CD44: variants seen among roughly 807,000 people sequenced by gnomAD.
The protein encoded by CD44 is CD44 antigen.
CD44 carries 49 observed loss-of-function variants against 88.8 expected under a neutral mutation model. The observed-to-expected ratio is 0.55, with a 90% CI of 0.44 to 0.70. CD44 has a LOEUF of 0.70. CD44 is among the 30% of genes least tolerant of loss of function. CD44 has a pLI of 0.00. For missense variants in CD44, 883 were observed against 913.8 expected, an observed-to-expected ratio of 0.97 and a Z score of 0.43; for synonymous variants, 325 against 312.3, an observed-to-expected ratio of 1.04 and a Z score of -0.43.
intron 1 of CD44, among the ~76,000 whole-genome samples, chr11:35,148,421 G>C (rs1055993392): frequency 4.6e-5 from 7 of 152,176 alleles, no homozygotes; most frequent in African/African-American, 1.7e-4. Flanking sequence ...TAAAAGTTCG[G>C]GGAAGAAATC....
At chr11:35,216,832 T>C (rs761732093) in intron 15 of CD44, among the ~76,000 whole-genome samples, 9 of 152,216 alleles carry the variant, frequency 5.9e-5, no homozygotes, top group Non-Finnish European at 1.2e-4. Context: ...TGCAGAATCC[T>C]TGGCCAACCC....
chr11:35,222,428 C>T, intron 17 of CD44: 1 of 1,295,344 alleles, frequency 7.7e-7, no homozygotes, highest in Non-Finnish European at 1.0e-6. Context: ...CGTCTTCTTG[C>T]TGTTAGGAGG....
rs373679880 is a variant in CD44, at chr11:35,222,598, A to AT, written c.2024+866_2024+867insT. 34 of 545,916 alleles carry AT rather than the reference A, an allele frequency of 6.2e-5. No homozygotes were observed. The African/African-American group carries it at 6.8e-4, about 11-fold the overall frequency. 33.8% of individuals were successfully genotyped at this position (545,916 alleles called of 1,614,324 possible). A position where few individuals can be genotyped will look rare whatever the true frequency, so the allele number is the denominator to read the frequency against. ...TACATGTTATTTACATTTTATATAT[A>AT]ATATATATATATATATATACACATA... On this transcript the variant is annotated intron_variant, in intron 17 of 17. Coordinates refer to ENST00000428726, the MANE Select transcript of CD44 (RefSeq NM_000610.4).
At chr11:35,194,074 C>T (rs1254986111) in intron 5 of CD44, among the ~76,000 whole-genome samples, 1 of 152,238 alleles carries the variant, frequency 6.6e-6, no homozygotes, top group Non-Finnish European at 1.5e-5. Context: ...GTTTGAAATG[C>T]TGCTTCGAAA....
intron 1 of CD44, among the ~76,000 whole-genome samples, chr11:35,151,193 T>G (rs914390001): frequency 2.6e-5 from 4 of 152,042 alleles, no homozygotes; most frequent in Non-Finnish European, 5.9e-5. Context: ...TAAGAATGGC[T>G]TGATTGGGGC....
intron 17 of CD44, chr11:35,223,364 C>A: frequency 1.3e-6 from 1 of 780,952 alleles, no homozygotes; most frequent in Non-Finnish European, 1.6e-6. Context: ...TAGAATGCAC[C>A]ACTTTTGCTC....
At chr11:35,210,186 G>A (rs545873942) in intron 13 of CD44, 132 bp downstream of exon 13, 32 of 543,246 alleles carry the variant, frequency 5.9e-5, no homozygotes, top group South Asian at 1.6e-4. Flanking sequence ...CAAAAGGTGC[G>A]TCTGGTGGTG....
At chr11:35,224,104 G>A (rs949792452) in intron 17 of CD44, among the ~76,000 whole-genome samples, 2 of 152,182 alleles carry the variant, frequency 1.3e-5, no homozygotes, top group Non-Finnish European at 2.9e-5. Flanking sequence ...GCCAGACACT[G>A]TTATATAAAT....
At chr11:35,143,884 A>T (rs1171208008) in intron 1 of CD44, among the ~76,000 whole-genome samples, 4 of 152,190 alleles carry the variant, frequency 2.6e-5, no homozygotes, top group Non-Finnish European at 4.4e-5. Flanking sequence ...TTGCTTGTCT[A>T]CAGGACAAGT....
rs755130105 is a variant in CD44, at chr11:35,222,403, A to T, written c.2024+671A>T. 3.1e-6 allele frequency: 4 copies of T among 1,300,014 alleles called. No homozygotes were observed. In the South Asian group the frequency reaches 5.0e-5, roughly 16 times the overall value. The allele number at this position is 1,300,014 out of a possible 1,614,324, so 80.5% of individuals were successfully genotyped here. A position where few individuals can be genotyped will look rare whatever the true frequency, so the allele number is the denominator to read the frequency against. The stretch of plus-strand genomic sequence containing the variant: ...AAGAGATTCAGGTTATAGCATAAGA[A>T]GAGCACTGTTTCATCGTCTTCTTGC... On this transcript the variant is annotated intron_variant, in intron 17 of 17. Coordinates refer to ENST00000428726, the MANE Select transcript of CD44 (RefSeq NM_000610.4).
intron 17 of CD44, chr11:35,223,334 AG>A (rs1305757840): frequency 1.0e-6 from 1 of 969,862 alleles, no homozygotes. Context: ...GTGTGCAATC[AG>A]CCCTTTATTG....
intron 14 of CD44, 104 bp from the exon 15 acceptor site, chr11:35,214,748 A>T: frequency 1.8e-6 from 1 of 568,702 alleles, no homozygotes; most frequent in Non-Finnish European, 2.9e-6. Flanking sequence ...CCTTAAAAAG[A>T]CTAAACTTTG....
intron 1 of CD44, among the ~76,000 whole-genome samples, chr11:35,173,705 C>T (rs1944156432): frequency 6.6e-6 from 1 of 152,158 alleles, no homozygotes; most frequent in South Asian, 2.1e-4. Flanking sequence ...CCTCATTTTG[C>T]ATTTGTTAGA....
At chr11:35,178,438 C>T (rs1230869066) in intron 2 of CD44, among the ~76,000 whole-genome samples, 1 of 152,246 alleles carries the variant, frequency 6.6e-6, no homozygotes, top group Non-Finnish European at 1.5e-5. Flanking sequence ...CGAATTTGCA[C>T]ACACAGCCTG....
At chr11:35,158,216 G>GGT (rs1362207992) in intron 1 of CD44, among the ~76,000 whole-genome samples, 2 of 152,152 alleles carry the variant, frequency 1.3e-5, no homozygotes, top group Admixed American at 6.5e-5. Context: ...CAGGGACCAG[G>GGT]GTCTCTCAGA....
chr11:35,158,420 A>T (rs1461547700), intron 1 of CD44, among the ~76,000 whole-genome samples: 1 of 152,200 alleles, frequency 6.6e-6, no homozygotes, highest in Non-Finnish European at 1.5e-5. Context: ...GGCCTTAAGC[A>T]GTTTACTTAA....
chr11:35,167,266 G>C (rs1213611037), intron 1 of CD44, among the ~76,000 whole-genome samples: 1 of 152,072 alleles, frequency 6.6e-6, no homozygotes, highest in Non-Finnish European at 1.5e-5. Flanking sequence ...GTGTGTGTGT[G>C]TGTGTTTTTG....
At chr11:35,198,320 C>T in intron 7 of CD44, 74 bp downstream of exon 7, 4 of 1,437,342 alleles carry the variant, frequency 2.8e-6, no homozygotes, top group Non-Finnish European at 3.8e-6. Flanking sequence ...CAAATTGTAT[C>T]TCTCTTGAGA....
At chr11:35,188,246 A>G (rs1945892391) in intron 4 of CD44, among the ~76,000 whole-genome samples, 1 of 152,156 alleles carries the variant, frequency 6.6e-6, no homozygotes, top group Admixed American at 6.5e-5. Context: ...TATGTAAGGA[A>G]TTGTCCCTGA....
Sources: gnomAD v4.1 joint callset for allele counts (sites outside exome capture counted in the v4.1 genomes callset) on GRCh38, gnomAD v4.1.1 for gene constraint, MANE v1.5 for transcripts, NCBI Gene and HGNC (gene_info 2026-07-23, HGNC 2026-07-21) for gene names.